The following LAMA2 variants were observed in gnomAD, a reference collection of about 807,000 sequenced individuals.
LAMA2 encodes the protein laminin subunit alpha 2, also known as laminin subunit alpha-2.
In LAMA2, 269 loss-of-function variants were observed where a neutral mutation model predicts 364.8. That is an observed-to-expected ratio of 0.74 (90% CI 0.67 to 0.82). The LOEUF (loss-of-function observed/expected upper bound fraction) is 0.82. LAMA2 is among the 40% of genes least tolerant of loss of function. The probability of loss-of-function intolerance (pLI) is 0.00; values close to 1 mark genes in which losing one functional copy is unlikely to be tolerated. For synonymous variants in LAMA2, 1,379 were observed against 1,370.6 expected, an observed-to-expected ratio of 1.01 and a Z score of -0.14; for missense variants, 3,807 against 3,873.2, an observed-to-expected ratio of 0.98 and a Z score of 0.45.
At chr6:129,259,040 C>T (rs1024557403) in intron 14 of LAMA2, among the ~76,000 whole-genome samples, 2 of 152,080 alleles carry the variant, frequency 1.3e-5, no homozygotes, top group African/African-American at 4.8e-5. Flanking sequence ...AGGATGATTC[C>T]ATCCAACTGC....
chr6:129,501,878 A>C (rs986566452), intron 58 of LAMA2, among the ~76,000 whole-genome samples: 2 of 152,220 alleles, frequency 1.3e-5, no homozygotes, highest in African/African-American at 4.8e-5. Flanking sequence ...TGATCTACTC[A>C]GCCAGGACTG....
intron 1 of LAMA2, among the ~76,000 whole-genome samples, chr6:128,942,027 C>T (rs1780192581): frequency 6.6e-6 from 1 of 152,166 alleles, no homozygotes; most frequent in Admixed American, 6.5e-5. Flanking sequence ...AAAGCAATCT[C>T]ATTAAAACAA....
chr6:128,936,406 A>G (rs1244493026), intron 1 of LAMA2, among the ~76,000 whole-genome samples: 1 of 152,120 alleles, frequency 6.6e-6, no homozygotes. Context: ...ATTTTTTCAA[A>G]TGCTTTTTCT....
chr6:129,309,962 C>G (rs949195752), intron 22 of LAMA2, among the ~76,000 whole-genome samples: 9 of 145,648 alleles, frequency 6.2e-5, no homozygotes, highest in African/African-American at 2.3e-4. Flanking sequence ...TGCAGTGGCG[C>G]GATCTCGGCT....
intron 1 of LAMA2, among the ~76,000 whole-genome samples, chr6:129,039,235 C>A (rs537793871): frequency 6.6e-6 from 1 of 152,024 alleles, no homozygotes; most frequent in Admixed American, 6.6e-5. Flanking sequence ...AAAACACTTT[C>A]ACAGAGCAGG....
intron 56 of LAMA2, among the ~76,000 whole-genome samples, chr6:129,491,351 A>G (rs1784852247): frequency 6.6e-6 from 1 of 152,240 alleles, no homozygotes. Flanking sequence ...TGAAACAGCC[A>G]CTAAGGAAAA....
At position 129,514,201 on chromosome 6, in the gene LAMA2, T is replaced by G. The variant is rs1352614990; in HGVS notation, c.8989-172T>G. 2.0e-5 allele frequency among the ~76,000 whole-genome samples: 3 copies of G among 152,200 alleles called. No individual in the cohort carries two copies. The East Asian group carries it at 5.8e-4, about 29-fold the overall frequency. Reference sequence around the variant, plus strand: ...TAATTTGTGGCTCCTGGTGATTAGATTTATACTTTAATTTGTCAAGTTTTA... The same window carrying G: ...TAATTTGTGGCTCCTGGTGATTAGAGTTATACTTTAATTTGTCAAGTTTTA... On this transcript the variant is annotated intron_variant, in intron 63 of 64. Transcript: ENST00000421865.
intron 19 of LAMA2, among the ~76,000 whole-genome samples, chr6:129,290,124 T>C (rs988293219): frequency 6.6e-6 from 1 of 152,164 alleles, no homozygotes; most frequent in South Asian, 2.1e-4. Flanking sequence ...TGCTTTGTTG[T>C]TTTTACGATA....
intron 31 of LAMA2, among the ~76,000 whole-genome samples, chr6:129,352,701 A>G (rs1193223220): frequency 2.0e-5 from 3 of 152,154 alleles, no homozygotes; most frequent in Non-Finnish European, 4.4e-5. Context: ...CAGACAAACT[A>G]TGACCCACAG....
chr6:129,212,434 G>A (rs1288611575), intron 12 of LAMA2, among the ~76,000 whole-genome samples: 11 of 152,046 alleles, frequency 7.2e-5, no homozygotes, highest in South Asian at 6.2e-4. Flanking sequence ...CTCTTAAACC[G>A]GATGTTTTTT....
At chr6:129,375,267 T>G (rs1021724545) in intron 34 of LAMA2, among the ~76,000 whole-genome samples, 20 of 152,318 alleles carry the variant, frequency 1.3e-4, no homozygotes, top group African/African-American at 4.3e-4. Flanking sequence ...ATGAGAATCA[T>G]GTTTAACATA....
At chr6:129,198,828 C>T (rs1246546723) in intron 12 of LAMA2, among the ~76,000 whole-genome samples, 1 of 151,996 alleles carries the variant, frequency 6.6e-6, no homozygotes, top group Non-Finnish European at 1.5e-5. Context: ...GAAAAAAAAT[C>T]TATAATGTCA....
At chr6:129,445,609 TTC>T (rs1273478948) in intron 44 of LAMA2, 56 bp from the exon 45 acceptor site, 73 of 1,437,320 alleles carry the variant, frequency 5.1e-5, no homozygotes, top group Non-Finnish European at 7.2e-5. Context: ...GCTATTCTAA[TTC>T]TGTGTGTGCA....
At chr6:129,197,346 C>G (rs1286974529) in intron 12 of LAMA2, among the ~76,000 whole-genome samples, 1 of 152,170 alleles carries the variant, frequency 6.6e-6, no homozygotes, top group Admixed American at 6.5e-5. Context: ...GAGGCTTCAT[C>G]TACATGACAA....
intron 4 of LAMA2, among the ~76,000 whole-genome samples, chr6:129,098,975 G>A (rs1230919187): frequency 1.3e-5 from 2 of 152,132 alleles, no homozygotes; most frequent in Non-Finnish European, 2.9e-5. Flanking sequence ...TAGGTTACGT[G>A]CTTAGTTCAA....
Position 129,320,528 on chromosome 6 carries a change from C to A in LAMA2, c.4059-10C>A, listed in dbSNP as rs767814882. 3 of 1,491,030 alleles carry A rather than the reference C, an allele frequency of 2.0e-6. No homozygotes were observed. The South Asian group carries it at 3.4e-5, about 17-fold the overall frequency. The allele number at this position is 1,491,030 out of a possible 1,614,324, so 92.4% of individuals were successfully genotyped here. A position where few individuals can be genotyped will look rare whatever the true frequency, so the allele number is the denominator to read the frequency against. On this transcript the variant is annotated splice_polypyrimidine_tract_variant and intron_variant, in intron 27 of 64. Coordinates refer to ENST00000421865, the MANE Select transcript of LAMA2 (RefSeq NM_000426.4). ...TCATAGTAATCTAAGTACATTCTCG[C>A]TGTTTCTAGGATTTCTGAAATCTCA...
chr6:129,040,009 G>A (rs75611684), intron 1 of LAMA2, among the ~76,000 whole-genome samples: 2,336 of 152,298 alleles, frequency 0.015, 74 homozygotes, highest in African/African-American at 0.053. Context: ...ATGTTGATGT[G>A]TTTGTGTGGC....
chr6:129,081,179 T>A (rs12174829), intron 3 of LAMA2, among the ~76,000 whole-genome samples: 72,737 of 149,432 alleles, frequency 0.49, 20,662 homozygotes, highest in East Asian at 0.81. Context: ...CACTCATAGG[T>A]GGGAAACGAA....
intron 55 of LAMA2, among the ~76,000 whole-genome samples, chr6:129,482,475 G>T (rs192758603): frequency 1.8e-3 from 275 of 152,088 alleles, no homozygotes; most frequent in Middle Eastern, 0.01. Context: ...CAATGAAAGG[G>T]TTCATAGGAA....
Sources: gnomAD v4.1 joint callset for allele counts (sites outside exome capture counted in the v4.1 genomes callset) on GRCh38, gnomAD v4.1.1 for gene constraint, MANE v1.5 for transcripts, NCBI Gene and HGNC (gene_info 2026-07-23, HGNC 2026-07-21) for gene names.